SLC30A9: variants seen among roughly 807,000 people sequenced by gnomAD.
The protein encoded by SLC30A9 is solute carrier family 30 member 9.
A neutral mutation model predicts 87.5 loss-of-function variants in SLC30A9; 58 were observed. The ratio of observed to expected loss-of-function variants is 0.66; its 90% CI spans 0.54 to 0.82. The LOEUF (loss-of-function observed/expected upper bound fraction) is 0.82, where lower values mean the gene tolerates loss of function less well. Among genes scored for constraint, SLC30A9 ranks in the 40% least tolerant of loss-of-function variants. The pLI is 0.00. For synonymous variants in SLC30A9, 234 were observed against 233.0 expected (o/e 1.00, Z -0.04); for missense variants, 557 against 679.1 (o/e 0.82, Z 2.00).
At position 42,066,717 on chromosome 4, in the gene SLC30A9, A is replaced by G. The variant is rs73812706; in HGVS notation, c.1144+96A>G. The G allele has an allele frequency of 4.1e-4, 302 of 743,998 alleles. 1 individual carries two copies. Among genetic ancestry groups the G allele is most frequent in the African/African-American group, 2.7e-3 (152 of 57,058 alleles). The allele number at this position is 743,998 out of a possible 1,614,324, so 46.1% of individuals were successfully genotyped here. A position where few individuals can be genotyped will look rare whatever the true frequency, so the allele number is the denominator to read the frequency against. On this transcript the variant is annotated intron_variant, in intron 13 of 17. Coordinates refer to ENST00000264451, the MANE Select transcript of SLC30A9 (RefSeq NM_006345.4). ...GCTTTGTTCCTAATAGAAATGTACA[A>G]AATATATCTGAATATCATCCCTGTG... is the stretch of plus-strand genomic sequence containing the variant.
chr4:42,075,483 G>A (rs1042995824), intron 15 of SLC30A9, among the ~76,000 whole-genome samples, 174 bp from the exon 16 acceptor site: 11 of 151,800 alleles, frequency 7.2e-5, no homozygotes, highest in South Asian at 2.1e-4. Flanking sequence ...AAAGCTAAAC[G>A]GACAGGCCTT....
At chr4:42,067,706 A>C (rs1044400549) in intron 14 of SLC30A9, among the ~76,000 whole-genome samples, 2 of 152,174 alleles carry the variant, frequency 1.3e-5, no homozygotes, top group African/African-American at 4.8e-5. Context: ...TTCTCCTTTT[A>C]TCTACATAGG....
At chr4:42,072,089 T>G (rs1184737274) in intron 15 of SLC30A9, among the ~76,000 whole-genome samples, 2 of 152,212 alleles carry the variant, frequency 1.3e-5, no homozygotes, top group East Asian at 3.8e-4. Context: ...AATATTCCTT[T>G]GTAATCCATT....
In SLC30A9 at chr4:42,078,010, C is replaced by T. The variant is rs143997274; in HGVS notation, c.1549-202C>T. On this transcript the variant is annotated intron_variant, in intron 16 of 17. Transcript: ENST00000264451. ...TTATTTCCCCAGTAATTTTGTAGTG[C>T]TACCTCTGTGTAGTATTATACTCAG... 3.3e-3 allele frequency among the ~76,000 whole-genome samples: 501 copies of T among 152,090 alleles called. 1 individual carries two copies. Among genetic ancestry groups the T allele is most frequent in the African/African-American group, 0.012 (483 of 41,504 alleles).
chr4:42,019,621 A>G (rs1715861068), intron 3 of SLC30A9, among the ~76,000 whole-genome samples: 1 of 152,172 alleles, frequency 6.6e-6, no homozygotes. Context: ...AAGAAATACT[A>G]ATTAGCAACT....
chr4:42,047,483 C>A (rs1717210115), intron 8 of SLC30A9, among the ~76,000 whole-genome samples: 4 of 152,212 alleles, frequency 2.6e-5, no homozygotes. Flanking sequence ...GAAAAAAGCT[C>A]ATCATCACTG....
rs1306706933 is a variant in SLC30A9, at chr4:42,049,358, T to C, written c.738-19T>C. 2 of 1,541,624 alleles carry C rather than the reference T, an allele frequency of 1.3e-6. No individual in the cohort carries two copies. ...TTTTGTCCAAACCTATGCTAAATTG[T>C]TTTCTCTTTCTCTTCTAGCAATGGA... On this transcript the variant is annotated intron_variant, in intron 8 of 17. Transcript: ENST00000264451.
chr4:42,052,174 A>G (rs1717407722), intron 9 of SLC30A9, among the ~76,000 whole-genome samples: 3 of 152,088 alleles, frequency 2.0e-5, no homozygotes, highest in Non-Finnish European at 2.9e-5. Flanking sequence ...TAGTATCACA[A>G]AATATTAAAT....
intron 1 of SLC30A9, among the ~76,000 whole-genome samples, chr4:42,001,053 A>G (rs907438147): frequency 6.6e-6 from 1 of 152,084 alleles, no homozygotes; most frequent in East Asian, 1.9e-4. Context: ...ACCCAGATGA[A>G]GCAGCTGAAG....
intron 6 of SLC30A9, among the ~76,000 whole-genome samples, chr4:42,033,700 C>T (rs1716548104): frequency 6.6e-6 from 1 of 152,108 alleles, no homozygotes; most frequent in Admixed American, 6.5e-5. Context: ...CTCAACTTCT[C>T]AAGTAGCTGG....
intron 2 of SLC30A9, among the ~76,000 whole-genome samples, chr4:42,013,962 A>G (rs1336029059): frequency 6.6e-6 from 1 of 152,230 alleles, no homozygotes; most frequent in African/African-American, 2.4e-5. Flanking sequence ...GACAACCCAT[A>G]AAATGGGAGA....
chr4:42,080,480 G>T (rs956841428), intron 17 of SLC30A9, among the ~76,000 whole-genome samples: 17 of 152,172 alleles, frequency 1.1e-4, no homozygotes, highest in Non-Finnish European at 2.1e-4. Flanking sequence ...TACTCTCCTG[G>T]CAATGAAGTG....
At chr4:42,024,474 T>C (rs1250710785) in intron 6 of SLC30A9, among the ~76,000 whole-genome samples, 1 of 152,258 alleles carries the variant, frequency 6.6e-6, no homozygotes, top group Admixed American at 6.5e-5. Context: ...TGTAGCAAGA[T>C]TTATGTTCTT....
At position 42,001,687 on chromosome 4, in the gene SLC30A9, C is replaced by T. The variant is rs1280054331; in HGVS notation, c.181C>T (p.Leu61=). 6.2e-7 allele frequency: 1 copy of T among 1,608,980 alleles called. No individual in the cohort carries two copies. ...VPCSHPYIGT[L]SQVKLYSTNV... ...CTGTAGTCATCCATATATTGGTACC[C>T]TGAGTCAAGTAAAGTTGTACTCCAC... is the stretch of plus-strand genomic sequence containing the variant. The change falls in exon 2 of 18, where the codon CTG becomes TTG. Residue 61 remains leucine (L), a synonymous_variant. Transcript: ENST00000264451.
intron 1 of SLC30A9, among the ~76,000 whole-genome samples, chr4:42,000,049 T>C (rs1714910622): frequency 6.6e-6 from 1 of 152,076 alleles, no homozygotes; most frequent in Non-Finnish European, 1.5e-5. Context: ...ATTGTGCTGG[T>C]TTTTCTACCT....
At chr4:42,066,473 T>G in intron 12 of SLC30A9, 77 bp from the exon 13 acceptor site, 1 of 857,246 alleles carries the variant, frequency 1.2e-6, no homozygotes, top group Non-Finnish European at 1.9e-6. Context: ...GCTTATTTGT[T>G]TATCTTTTGA....
intron 8 of SLC30A9, among the ~76,000 whole-genome samples, chr4:42,043,914 T>G (rs1320551622): frequency 6.6e-6 from 1 of 152,202 alleles, no homozygotes; most frequent in Non-Finnish European, 1.5e-5. Context: ...GGGCCAATAT[T>G]CAACATTCTT....
intron 6 of SLC30A9, among the ~76,000 whole-genome samples, chr4:42,033,632 G>A (rs1381525220): frequency 6.6e-6 from 1 of 152,136 alleles, no homozygotes; most frequent in African/African-American, 2.4e-5. Context: ...CTGGAGTGCA[G>A]TGGCACGATC....
intron 1 of SLC30A9, among the ~76,000 whole-genome samples, chr4:41,998,761 C>T (rs1032764900): frequency 6.6e-6 from 1 of 152,048 alleles, no homozygotes; most frequent in Non-Finnish European, 1.5e-5. Flanking sequence ...ATGCACCCTG[C>T]GGAATTCAGT....
Sources: allele counts gnomAD v4.1 joint callset (sites outside exome capture counted in the v4.1 genomes callset), GRCh38; gene constraint gnomAD v4.1.1; transcripts MANE v1.5; gene names NCBI Gene and HGNC (gene_info 2026-07-23, HGNC 2026-07-21).